The following TRPM2 variants were observed in gnomAD, a reference collection of about 807,000 sequenced individuals.
The protein encoded by TRPM2 is transient receptor potential cation channel subfamily M member 2.
In TRPM2, 161 loss-of-function variants were observed where a neutral mutation model predicts 174.0. The ratio of observed to expected loss-of-function variants is 0.93; its 90% CI spans 0.81 to 1.05. The LOEUF (loss-of-function observed/expected upper bound fraction) is 1.05, where lower values mean the gene tolerates loss of function less well. Among genes scored for constraint, TRPM2 ranks in the 50% least tolerant of loss-of-function variants. The pLI, the probability that TRPM2 is intolerant of heterozygous loss-of-function variation, is 0.00. For synonymous variants in TRPM2, 954 were observed against 861.3 expected (o/e 1.11, Z -1.88); for missense variants, 2,057 against 2,038.0 (o/e 1.01, Z -0.18).
At chr21:44,440,705 G>A in intron 30 of TRPM2, 84 bp from the exon 31 acceptor site, 1 of 1,138,700 alleles carries the variant, frequency 8.8e-7, no homozygotes, top group African/African-American at 1.5e-5. Context: ...GCTCAGAGCT[G>A]GGTCAGGGTG....
At chr21:44,415,310 G>A (rs989171191) in intron 20 of TRPM2, 7 of 152,224 alleles carry the variant, frequency 4.6e-5, no homozygotes, top group African/African-American at 1.7e-4. Context: ...CTGGGAGGGT[G>A]GGGTTAAGTG....
intron 3 of TRPM2, among the ~76,000 whole-genome samples, chr21:44,364,792 G>C (rs1463083250): frequency 2.0e-5 from 3 of 152,198 alleles, no homozygotes; most frequent in Admixed American, 1.3e-4. Context: ...GCGGGATCCA[G>C]GCTGAGCCTG....
chr21:44,406,102 G>C, intron 18 of TRPM2, 65 bp downstream of exon 18: 2 of 1,581,938 alleles, frequency 1.3e-6, no homozygotes, highest in Non-Finnish European at 1.7e-6. Context: ...GGGGAGGGCA[G>C]GCCCCTTGCC....
intron 27 of TRPM2, among the ~76,000 whole-genome samples, chr21:44,427,959 A>T (rs1399314732): frequency 6.6e-6 from 1 of 152,040 alleles, no homozygotes; most frequent in East Asian, 1.9e-4. Flanking sequence ...GGCTATGGGA[A>T]GCTGACGAGG....
chr21:44,378,983 C>A lies in TRPM2; in HGVS notation c.1015-14C>A, dbSNP rs1341928408. The A allele has an allele frequency of 7.5e-6, 12 of 1,600,670 alleles. No individual in the cohort carries two copies. The highest frequency in any genetic ancestry group is 2.2e-5 in the South Asian group (2 of 91,006). The stretch of plus-strand genomic sequence containing the variant: ...GGACCCAGTCCCGGGCTCACACCCC[C>A]ACCTGCCTTGCAGACCATCGACAAC... On this transcript the variant is annotated splice_polypyrimidine_tract_variant and intron_variant, in intron 7 of 31. Transcript: ENST00000397928.
At chr21:44,419,658 A>ATT in intron 22 of TRPM2, among the ~76,000 whole-genome samples, 1 of 31,108 alleles carries the variant, frequency 3.2e-5, no homozygotes, top group Non-Finnish European at 6.9e-5. Context: ...TGATGGTGGT[A>ATT]GTGATGGTGA....
chr21:44,363,193 T>C (rs1490678273), intron 2 of TRPM2, among the ~76,000 whole-genome samples: 2 of 152,392 alleles, frequency 1.3e-5, no homozygotes, highest in Admixed American at 6.5e-5. Flanking sequence ...TGTAGGTTTA[T>C]GTCTTTTTTG....
At chr21:44,353,178 C>A (rs1461253264), upstream of TRPM2, 1 of 152,326 alleles carries the variant, frequency 6.6e-6, no homozygotes, top group East Asian at 1.9e-4. Flanking sequence ...GAAAAAGAAA[C>A]TTCCTTTGTG....
chr21:44,351,235 C>T (rs1161064078), upstream of TRPM2, among the ~76,000 whole-genome samples: 4 of 152,292 alleles, frequency 2.6e-5, no homozygotes, highest in East Asian at 1.9e-4. Context: ...TTCTTGAATT[C>T]GGCCTAGGTG....
At chr21:44,365,780 T>C in intron 3 of TRPM2, among the ~76,000 whole-genome samples, 1 of 152,154 alleles carries the variant, frequency 6.6e-6, no homozygotes, top group South Asian at 2.1e-4. Context: ...ACACAGACCC[T>C]GTACTGCAGC....
In TRPM2 at chr21:44,382,725, A is replaced by T. The variant is rs753721235; in HGVS notation, c.1223A>T (p.Asp408Val). The part of the protein sequence containing the change: ...RIVEWTKKIQ[D>V]IVRRRQLLTV... Reference sequence around the variant, plus strand: ...AGAAAATGCTTGTTGCAGATCCAAGATATCGTCCGGAGGCGGCAGCTGCTG... The same window carrying T: ...AGAAAATGCTTGTTGCAGATCCAAGTTATCGTCCGGAGGCGGCAGCTGCTG... The change falls in exon 9 of 32, where the codon GAT (aspartate) becomes GTT (valine). Residue 408 changes from aspartate to valine, a missense_variant. Transcript: ENST00000397928. 6.2e-7 allele frequency: 1 copy of T among 1,613,934 alleles called. No homozygotes were observed. Among genetic ancestry groups the T allele is most frequent in the Non-Finnish European group, 8.5e-7 (1 of 1,179,934 alleles).
upstream of TRPM2, among the ~76,000 whole-genome samples, chr21:44,351,794 AGT>A (rs2047929893): frequency 6.6e-6 from 1 of 152,176 alleles, no homozygotes; most frequent in Admixed American, 6.5e-5. Context: ...CCTCCTGCAA[AGT>A]CGGGTGGTGC....
intron 27 of TRPM2, among the ~76,000 whole-genome samples, chr21:44,429,278 CTTTTTTTTT>C (rs35708355): frequency 4.1e-4 from 18 of 44,196 alleles, no homozygotes; most frequent in Non-Finnish European, 4.9e-4. Context: ...TTTTCTTTTT[CTTTTTTTTT>C]TTTTTTTTTT....
At chr21:44,368,423 T>A (rs924186819) in intron 4 of TRPM2, among the ~76,000 whole-genome samples, 1 of 145,802 alleles carries the variant, frequency 6.9e-6, no homozygotes, top group African/African-American at 2.6e-5. Flanking sequence ...CTGTTTTTTT[T>A]ATTTTTTTGT....
At position 44,390,926 on chromosome 21, in the gene TRPM2, T is replaced by C. The variant is rs1456883138; in HGVS notation, c.1341T>C (p.Phe447=). The C allele has an allele frequency of 2.5e-6, 4 of 1,614,078 alleles. No individual in the cohort carries two copies. Among genetic ancestry groups the C allele is most frequent in the East Asian group, 2.2e-5 (1 of 44,880 alleles). ...CAGCCTCACGGAGCCAAGACCACTT[T>C]GGCCACGAGAACTGGGACCACCAGC... ...LLKASRSQDH[F]GHENWDHQLK... Residue 447 remains phenylalanine (F), a synonymous_variant, in exon 10 of 32, where the codon TTT becomes TTC. Coordinates refer to ENST00000397928, the MANE Select transcript of TRPM2 (RefSeq NM_003307.4).
At chr21:44,389,456 C>T (rs560667751) in intron 9 of TRPM2, among the ~76,000 whole-genome samples, 2 of 152,236 alleles carry the variant, frequency 1.3e-5, no homozygotes, top group South Asian at 4.1e-4. Context: ...GTATGTTTTA[C>T]TTTGTAAAAA....
At chr21:44,357,568 G>A (rs1017424396) in intron 2 of TRPM2, among the ~76,000 whole-genome samples, 4 of 152,198 alleles carry the variant, frequency 2.6e-5, no homozygotes, top group Admixed American at 1.3e-4. Context: ...TCCTCTAGCC[G>A]AGAAGCACGT....
At position 44,427,043 on chromosome 21, in the gene TRPM2, C is replaced by T. The variant is rs776030162; in HGVS notation, c.3906C>T (p.Asn1302=). The T allele has an allele frequency of 3.9e-5, 62 of 1,606,882 alleles. No homozygotes were observed. The highest frequency in any genetic ancestry group is 4.9e-5 in the Non-Finnish European group (58 of 1,177,644). Residue 1302 remains asparagine (N), a synonymous_variant, in exon 27 of 32, where the codon AAC becomes AAT. Coordinates refer to ENST00000397928, the MANE Select transcript of TRPM2 (RefSeq NM_003307.4). Reference sequence around the variant, plus strand: ...AGCCACTGTCCACGATCCAGTACAACGTGGTGGATGGCCTGAGGGACCGCC... The same window carrying T: ...AGCCACTGTCCACGATCCAGTACAATGTGGTGGATGGCCTGAGGGACCGCC... ...TLEPLSTIQY[N]VVDGLRDRRS... is the part of the protein sequence containing the mutation.
intron 7 of TRPM2, among the ~76,000 whole-genome samples, chr21:44,378,012 C>A (rs925738053): frequency 2.0e-5 from 3 of 152,156 alleles, no homozygotes; most frequent in Non-Finnish European, 4.4e-5. Context: ...GGGCCATTGA[C>A]CGGCGTGGAA....
Sources: gnomAD v4.1 joint callset for allele counts (sites outside exome capture counted in the v4.1 genomes callset) on GRCh38, gnomAD v4.1.1 for gene constraint, MANE v1.5 for transcripts, NCBI Gene and HGNC (gene_info 2026-07-23, HGNC 2026-07-21) for gene names.